The following VAX2 variants were observed in gnomAD, a reference collection of about 807,000 sequenced individuals.
The protein encoded by VAX2 is ventral anterior homeobox 2.
In VAX2, 8 loss-of-function variants were observed where a neutral mutation model predicts 12.5. That is an observed-to-expected ratio of 0.64 (90% CI 0.37 to 1.15). The LOEUF (loss-of-function observed/expected upper bound fraction) is 1.15. Among genes scored for constraint, VAX2 ranks in the 50% most tolerant of loss-of-function variants. VAX2 has a pLI of 0.01. For missense variants in VAX2, 476 were observed against 412.9 expected, an observed-to-expected ratio of 1.15 and a Z score of -1.32; for synonymous variants, 183 against 187.6, an observed-to-expected ratio of 0.98 and a Z score of 0.20.
intron 1 of VAX2, among the ~76,000 whole-genome samples, chr2:70,903,806 G>T (rs1043086893): frequency 5.3e-5 from 8 of 152,246 alleles, no homozygotes; most frequent in Non-Finnish European, 1.2e-4. Flanking sequence ...CTGGCTCTGG[G>T]CCCGGGGCCT....
chr2:70,906,357 C>T (rs1204380044), intron 1 of VAX2, among the ~76,000 whole-genome samples: 1 of 152,116 alleles, frequency 6.6e-6, no homozygotes, highest in Non-Finnish European at 1.5e-5. Context: ...CCTACAGAGC[C>T]AGGGTGAATG....
chr2:70,924,852 G>A (rs75485204), intron 2 of VAX2, among the ~76,000 whole-genome samples: 14 of 152,202 alleles, frequency 9.2e-5, no homozygotes, highest in Admixed American at 7.9e-4. Context: ...AAGACAAACC[G>A]CATTTCCAGG....
chr2:70,931,927 G>T (rs1227521406), intron 2 of VAX2, among the ~76,000 whole-genome samples: 1 of 152,238 alleles, frequency 6.6e-6, no homozygotes, highest in African/African-American at 2.4e-5. Flanking sequence ...CTGGGGCAGA[G>T]ACACCTTTAA....
Position 70,900,787 on chromosome 2 carries a change from G to T in VAX2, c.166G>T (p.Gly56Cys). The change falls in exon 1 of 3, where the codon GGC becomes TGC. Residue 56 changes from glycine (G) to cysteine (C), a missense_variant. Coordinates refer to ENST00000234392, the MANE Select transcript of VAX2 (RefSeq NM_012476.3). ...VAGTSASSPA[G>C]SRESGADSDG... is the part of the protein sequence containing the mutation. Reference sequence around the variant, plus strand: ...CGGGACCTCAGCCTCCAGTCCCGCAGGCTCCAGGGAGAGTGGAGCCGACAG... The same window carrying T: ...CGGGACCTCAGCCTCCAGTCCCGCATGCTCCAGGGAGAGTGGAGCCGACAG... 6.7e-7 allele frequency: 1 copy of T among 1,498,748 alleles called. No homozygotes were observed. The highest frequency in any genetic ancestry group is 2.8e-5 in the East Asian group (1 of 35,982). 92.8% of individuals were successfully genotyped at this position (1,498,748 alleles called of 1,614,324 possible).
At chr2:70,906,844 C>T (rs1031139958) in intron 1 of VAX2, among the ~76,000 whole-genome samples, 3 of 152,220 alleles carry the variant, frequency 2.0e-5, no homozygotes, top group Non-Finnish European at 4.4e-5. Context: ...TAGAGACTTC[C>T]CCGCTGAAGT....
rs1218161274 is a variant in VAX2, at chr2:70,904,974, G to T, written c.247+4106G>T. Among the ~76,000 whole-genome samples, 1 of 152,220 alleles carries T rather than the reference G, an allele frequency of 6.6e-6. No homozygotes were observed. The highest frequency in any genetic ancestry group is 2.4e-5 in the African/African-American group (1 of 41,456). ...GACGCGTCTGAAGAAGCCATACAAG[G>T]GGGCGCAGCTTCGGGGCTCTGGCTG... On this transcript the variant is annotated intron_variant, in intron 1 of 2. Coordinates refer to ENST00000234392, the MANE Select transcript of VAX2 (RefSeq NM_012476.3). This position sits in a 1 kb window ranked among gnomAD's most constrained non-coding sequence, Gnocchi z 4.2.
At chr2:70,923,017 T>TGTG in intron 2 of VAX2, among the ~76,000 whole-genome samples, 1 of 98,858 alleles carries the variant, frequency 1.0e-5, no homozygotes, top group East Asian at 3.3e-4. Flanking sequence ...GAGAGACAGA[T>TGTG]AGTGTGTGTG....
At chr2:70,922,813 G>A (rs565344551) in intron 2 of VAX2, among the ~76,000 whole-genome samples, 16 of 152,328 alleles carry the variant, frequency 1.1e-4, no homozygotes, top group African/African-American at 3.6e-4. Flanking sequence ...ACAGGGGGCT[G>A]GGAAGCCAGG....
chr2:70,900,826 GGGC>G lies in VAX2; in HGVS notation c.206_208del (p.Gly69_Pro70delinsAla). On this transcript the variant is annotated inframe_deletion, in exon 1 of 3. Coordinates refer to ENST00000234392, the MANE Select transcript of VAX2 (RefSeq NM_012476.3). ...TGGAGCCGACAGCGACGGGCAGCCCGGGCCCGGCGAGGCAGACCACTGCCGCCG... is the reference window on the plus strand; with the variant it reads ...TGGAGCCGACAGCGACGGGCAGCCCGCCGGCGAGGCAGACCACTGCCGCCG... 1 of 1,477,796 alleles carries G rather than the reference GGGC, an allele frequency of 6.8e-7. No individual in the cohort carries two copies. Among genetic ancestry groups the G allele is most frequent in the Non-Finnish European group, 9.0e-7 (1 of 1,114,900 alleles). 91.5% of individuals were successfully genotyped at this position (1,477,796 alleles called of 1,614,324 possible).
In VAX2 at chr2:70,900,587, G is replaced by C; in HGVS notation, c.-35G>C. ...CGGCGCTCCCGGCCAGCGTAGGCTG[G>C]CTCCGCCGTAGAGGGGTTGGCAGTG... On this transcript the variant is annotated 5_prime_UTR_variant, in exon 1 of 3. Coordinates refer to ENST00000234392, the MANE Select transcript of VAX2 (RefSeq NM_012476.3). 1 of 1,238,914 alleles carries C rather than the reference G, an allele frequency of 8.1e-7. No homozygotes were observed. Among genetic ancestry groups the C allele is most frequent in the Non-Finnish European group, 1.0e-6 (1 of 991,616 alleles). 76.7% of individuals were successfully genotyped at this position (1,238,914 alleles called of 1,614,324 possible). A position where few individuals can be genotyped will look rare whatever the true frequency, so the allele number is the denominator to read the frequency against.
intron 1 of VAX2, among the ~76,000 whole-genome samples, chr2:70,920,280 A>G (rs1380174656): frequency 6.6e-6 from 1 of 152,234 alleles, no homozygotes; most frequent in Non-Finnish European, 1.5e-5. Flanking sequence ...TGGGTCACAC[A>G]TGGATCATCT....
intron 1 of VAX2, among the ~76,000 whole-genome samples, chr2:70,901,444 G>T (rs78178988): frequency 0.14 from 20,815 of 152,282 alleles, 1,664 homozygotes; most frequent in South Asian, 0.28. Flanking sequence ...TCACTCTCTC[G>T]GTTCCCACTT....
chr2:70,918,539 G>T (rs1679360632), intron 1 of VAX2, among the ~76,000 whole-genome samples: 2 of 152,274 alleles, frequency 1.3e-5, no homozygotes, highest in East Asian at 3.9e-4. Context: ...CCATCCAGAA[G>T]ATTCCATCTT....
chr2:70,912,081 A>G (rs1679198740), intron 1 of VAX2, among the ~76,000 whole-genome samples: 1 of 152,168 alleles, frequency 6.6e-6, no homozygotes, highest in Admixed American at 6.5e-5. Context: ...CTTTCCTCCA[A>G]CTAATTCAAA....
intron 1 of VAX2, among the ~76,000 whole-genome samples, chr2:70,907,450 C>G (rs1679086060): frequency 6.6e-6 from 1 of 152,254 alleles, no homozygotes; most frequent in Non-Finnish European, 1.5e-5. Flanking sequence ...GTGCCCCTGC[C>G]CCTGCCGGCT....
At chr2:70,909,165 T>C (rs536762825) in intron 1 of VAX2, among the ~76,000 whole-genome samples, 2 of 152,060 alleles carry the variant, frequency 1.3e-5, no homozygotes, top group Admixed American at 6.6e-5. Context: ...TTTTATTATG[T>C]CATTATATTT....
chr2:70,912,834 A>G (rs1366515490), intron 1 of VAX2, among the ~76,000 whole-genome samples: 1 of 151,914 alleles, frequency 6.6e-6, no homozygotes, highest in East Asian at 1.9e-4. Context: ...GGGGGTCACC[A>G]CCTCTCCCAA....
chr2:70,907,356 G>T (rs1679084107), intron 1 of VAX2, among the ~76,000 whole-genome samples: 1 of 152,250 alleles, frequency 6.6e-6, no homozygotes. Context: ...CCGGCTTTCG[G>T]CTTTCGGCTT....
intron 1 of VAX2, among the ~76,000 whole-genome samples, chr2:70,918,380 C>G (rs187309393): frequency 6.6e-6 from 1 of 152,130 alleles, no homozygotes; most frequent in African/African-American, 2.4e-5. Context: ...TGGGGTGGGA[C>G]GCTTGGAGGG....
Sources: gnomAD v4.1 joint callset for allele counts (sites outside exome capture counted in the v4.1 genomes callset) on GRCh38, gnomAD v4.1.1 for gene constraint, Gnocchi (gnomAD v3.1) non-coding constraint, MANE v1.5 for transcripts, NCBI Gene and HGNC (gene_info 2026-07-23, HGNC 2026-07-21) for gene names.